Variants in PRUNE1 observed in about 807,000 individuals in gnomAD.
PRUNE1 encodes the protein exopolyphosphatase PRUNE1.
Under a neutral mutation model 42.5 loss-of-function variants are expected in PRUNE1, and 25 were observed. The observed-to-expected ratio is 0.59, with a 90% confidence interval of 0.43 to 0.82. The LOEUF (loss-of-function observed/expected upper bound fraction) is 0.82. Ranked by LOEUF, PRUNE1 falls within the 40% of genes least tolerant of loss-of-function variation. The pLI, the probability that PRUNE1 is intolerant of heterozygous loss-of-function variation, is 0.00. For synonymous variants in PRUNE1, 203 were observed against 217.1 expected, an observed-to-expected ratio of 0.93 and a Z score of 0.57; for missense variants, 443 against 539.3, an observed-to-expected ratio of 0.82 and a Z score of 1.77.
chr1:151,014,102 C>A (rs1307078425), intron 1 of PRUNE1, among the ~76,000 whole-genome samples: 1 of 152,094 alleles, frequency 6.6e-6, no homozygotes, highest in Non-Finnish European at 1.5e-5. Flanking sequence ...GCCTCAGCCT[C>A]CCGAGTAGCT....
In PRUNE1 at chr1:151,033,977, CCTTCA is replaced by C; in HGVS notation, c.1106_1110del (p.Pro369ArgfsTer4). On this transcript the variant is annotated frameshift_variant, in exon 8 of 8. Transcript: ENST00000271620. LOFTEE classifies it high-confidence loss of function. ...AGCATATTTTGACTCCATGAAGATC[CCTTCA>C]GGACAGCCTGAGACAGCAGATGTGT... 1 of 1,614,100 alleles carries C rather than the reference CCTTCA, an allele frequency of 6.2e-7. No individual in the cohort carries two copies. Among genetic ancestry groups the C allele is most frequent in the Non-Finnish European group, 8.5e-7 (1 of 1,179,982 alleles).
chr1:151,014,169 C>T (rs1415804259), intron 1 of PRUNE1, among the ~76,000 whole-genome samples: 2 of 152,064 alleles, frequency 1.3e-5, no homozygotes, highest in African/African-American at 2.4e-5. Context: ...TTAGTAGAGA[C>T]GGGGTTTCAC....
At chr1:151,019,635 A>T (rs900479180) in intron 3 of PRUNE1, among the ~76,000 whole-genome samples, 1 of 147,536 alleles carries the variant, frequency 6.8e-6, no homozygotes, top group Non-Finnish European at 1.5e-5. Flanking sequence ...TTCTCTTTTT[A>T]TTTTTTTACT....
chr1:151,019,648 T>A (rs996223279), intron 3 of PRUNE1, among the ~76,000 whole-genome samples: 3 of 151,772 alleles, frequency 2.0e-5, no homozygotes, highest in Non-Finnish European at 4.4e-5. Flanking sequence ...TTTTTACTTA[T>A]TATTTATTTT....
chr1:151,024,142 G>A (rs993882826), intron 3 of PRUNE1, among the ~76,000 whole-genome samples: 2 of 149,416 alleles, frequency 1.3e-5, no homozygotes, highest in African/African-American at 2.5e-5. Context: ...AGCCGAGATC[G>A]TGCCATTGCA....
chr1:151,024,828 G>A (rs1379065134), intron 4 of PRUNE1, 33 bp downstream of exon 4: 8 of 1,574,100 alleles, frequency 5.1e-6, no homozygotes, highest in Non-Finnish European at 6.9e-6. Flanking sequence ...GACCTCAGTA[G>A]TTCTATTCCT....
intron 2 of PRUNE1, chr1:151,018,224 T>A: frequency 4.3e-6 from 3 of 690,330 alleles, no homozygotes; most frequent in Non-Finnish European, 7.8e-6. Context: ...GACTAAAAAT[T>A]CCTTCTCTGC....
At position 151,020,488 on chromosome 1, in the gene PRUNE1, TGTG is replaced by T. The variant is rs1436518278; in HGVS notation, c.335+1824_335+1826del. On this transcript the variant is annotated intron_variant, in intron 3 of 7. Coordinates refer to ENST00000271620, the MANE Select transcript of PRUNE1 (RefSeq NM_021222.3). ...TTTTTAAGTTATCAAAAGGGCCAGG[TGTG>T]GTGGCTCACACCTGTAAACCCAGCA... Among the ~76,000 whole-genome samples the T allele has an allele frequency of 2.7e-5, 4 of 150,652 alleles. No homozygotes were observed. The Admixed American group carries it at 2.7e-4, about 10-fold the overall frequency.
chr1:151,031,387 A>G (rs773519994), intron 7 of PRUNE1, among the ~76,000 whole-genome samples: 2 of 151,420 alleles, frequency 1.3e-5, no homozygotes, highest in Admixed American at 6.6e-5. Context: ...GAGTCTCGCT[A>G]TGTTGCCCAG....
chr1:151,027,782 G>GTGTGCA (rs71090119), intron 6 of PRUNE1, among the ~76,000 whole-genome samples: 1 of 125,266 alleles, frequency 8.0e-6, no homozygotes, highest in African/African-American at 3.3e-5. Context: ...GTGTGTGTGT[G>GTGTGCA]CGCGCGCGTG....
At chr1:151,032,289 G>C (rs1285936000) in intron 7 of PRUNE1, among the ~76,000 whole-genome samples, 1 of 151,472 alleles carries the variant, frequency 6.6e-6, no homozygotes, top group Non-Finnish European at 1.5e-5. Context: ...AAAACACTGT[G>C]TATGAATCCC....
intron 5 of PRUNE1, among the ~76,000 whole-genome samples, chr1:151,025,925 AAG>A (rs1674807441): frequency 6.6e-6 from 1 of 151,362 alleles, no homozygotes; most frequent in Non-Finnish European, 1.5e-5. Context: ...ATTTTTAGTA[AAG>A]ATCGGGTTTC....
intron 3 of PRUNE1, among the ~76,000 whole-genome samples, chr1:151,024,112 C>T (rs1404892721): frequency 3.4e-5 from 5 of 149,184 alleles, no homozygotes; most frequent in East Asian, 3.9e-4. Context: ...CACTTGAACC[C>T]GGGAGGTGGA....
At chr1:151,033,631 C>A (rs889157101) in intron 7 of PRUNE1, among the ~76,000 whole-genome samples, 175 bp from the exon 8 acceptor site, 17 of 151,732 alleles carry the variant, frequency 1.1e-4, no homozygotes, top group South Asian at 8.3e-4. Context: ...ACCTCATGAT[C>A]CACCCGCCTC....
In PRUNE1 at chr1:151,034,086, C is replaced by T. The variant is rs1400069185; in HGVS notation, c.1214C>T (p.Pro405Leu). ...GGCCTGAGTCAAGATGAGGAGGACC[C>T]TCCGCTGCCCCCGACGCCCATGAAC... ...ISGLSQDEED[P>L]PLPPTPMNSL... Residue 405 changes from proline (P) to leucine (L), a missense_variant, in exon 8 of 8, where the codon CCT becomes CTT. Coordinates refer to ENST00000271620, the MANE Select transcript of PRUNE1 (RefSeq NM_021222.3). The T allele has an allele frequency of 6.2e-7, 1 of 1,614,174 alleles. No individual in the cohort carries two copies. The highest frequency in any genetic ancestry group is 1.7e-5 in the Admixed American group (1 of 60,014).
intron 7 of PRUNE1, among the ~76,000 whole-genome samples, chr1:151,031,295 A>G (rs1675235140): frequency 6.6e-6 from 1 of 151,196 alleles, no homozygotes; most frequent in Admixed American, 6.6e-5. Flanking sequence ...GGTTCAAGCA[A>G]TCCTCCCAGC....
chr1:151,018,314 A>G, intron 2 of PRUNE1, 153 bp from the exon 3 acceptor site: 1 of 791,246 alleles, frequency 1.3e-6, no homozygotes, highest in South Asian at 1.4e-5. Context: ...AGGGAGGGCA[A>G]AAGTCATCCT....
intron 1 of PRUNE1, among the ~76,000 whole-genome samples, chr1:151,016,346 A>G (rs966745881): frequency 2.0e-5 from 3 of 152,210 alleles, no homozygotes; most frequent in African/African-American, 4.8e-5. Context: ...ATGAAATGAT[A>G]TAAGTACCTG....
chr1:151,028,746 T>C (rs1489644159), intron 6 of PRUNE1, 40 bp from the exon 7 acceptor site: 4 of 1,596,572 alleles, frequency 2.5e-6, no homozygotes, highest in Non-Finnish European at 3.4e-6. Flanking sequence ...TTGATGATGA[T>C]GAGAAAGTCC....
Sources: allele counts gnomAD v4.1 joint callset (sites outside exome capture counted in the v4.1 genomes callset), GRCh38; gene constraint gnomAD v4.1.1; transcripts MANE v1.5; gene names NCBI Gene and HGNC (gene_info 2026-07-23, HGNC 2026-07-21).